CPNE3: variants seen among roughly 807,000 people sequenced by gnomAD.
CPNE3 encodes copine-3.
A neutral mutation model predicts 63.9 loss-of-function variants in CPNE3; 68 were observed. That is an observed-to-expected ratio of 1.06 (90% confidence interval 0.87 to 1.30). CPNE3 has a LOEUF of 1.30. CPNE3 is among the 50% of genes most tolerant of loss of function. The pLI is 0.00. For missense variants in CPNE3, 665 were observed against 578.1 expected (o/e 1.15, Z -1.54); for synonymous variants, 219 against 197.5 (o/e 1.11, Z -0.91).
chr8:86,541,472 G>A lies in CPNE3; in HGVS notation c.633+1138G>A, dbSNP rs188899850. On this transcript the variant is annotated intron_variant, in intron 8 of 16. Coordinates refer to ENST00000517490, the MANE Select transcript of CPNE3 (RefSeq NM_003909.5). The stretch of plus-strand genomic sequence containing the variant: ...TAATCCCAGCACTTTGGGAGGCCGA[G>A]GCGGGCAAATTGCCTGAGCTCAGGA... Among the ~76,000 whole-genome samples the A allele has an allele frequency of 1.5e-3, 235 of 152,230 alleles. 2 individuals are homozygous for A. The highest frequency in any genetic ancestry group is 2.9e-3 in the Non-Finnish European group (196 of 67,998).
chr8:86,537,650 A>G lies in CPNE3; in HGVS notation c.543+4A>G. On this transcript the variant is annotated splice_donor_region_variant and intron_variant, in intron 7 of 16. Coordinates refer to ENST00000517490, the MANE Select transcript of CPNE3 (RefSeq NM_003909.5). Reference sequence around the variant, plus strand: ...GCTAATGGTTCATCGGACAGAGGTGAATATTTGAATTTGAAAAGCAGAGTG... The same window carrying G: ...GCTAATGGTTCATCGGACAGAGGTGGATATTTGAATTTGAAAAGCAGAGTG... The G allele has an allele frequency of 6.4e-7, 1 of 1,560,888 alleles. No individual in the cohort carries two copies. The highest frequency in any genetic ancestry group is 8.8e-7 in the Non-Finnish European group (1 of 1,131,532).
chr8:86,555,122 A>G, intron 15 of CPNE3, 138 bp downstream of exon 15: 1 of 1,271,136 alleles, frequency 7.9e-7, no homozygotes, highest in Admixed American at 2.8e-5. Flanking sequence ...GTTTGGGAGT[A>G]ACTTTTGTTG....
intron 8 of CPNE3, among the ~76,000 whole-genome samples, chr8:86,540,705 C>A (rs1490027066): frequency 6.6e-6 from 1 of 152,130 alleles, no homozygotes; most frequent in African/African-American, 2.4e-5. Flanking sequence ...CAGATAGAAG[C>A]AGATGTTACC....
At chr8:86,551,852 T>G (rs921103302) in intron 14 of CPNE3, among the ~76,000 whole-genome samples, 5 of 152,234 alleles carry the variant, frequency 3.3e-5, no homozygotes, top group Non-Finnish European at 7.3e-5. Context: ...AGAGACAAGG[T>G]CTCGCTATGT....
At chr8:86,536,761 T>C (rs9297923) in intron 6 of CPNE3, among the ~76,000 whole-genome samples, 111,730 of 152,092 alleles carry the variant, frequency 0.73, 41,979 homozygotes, top group African/African-American at 0.83. Flanking sequence ...TACATGAAAA[T>C]GAGAAAAAAT....
chr8:86,535,143 T>A (rs1446395471), intron 6 of CPNE3, among the ~76,000 whole-genome samples: 1 of 152,128 alleles, frequency 6.6e-6, no homozygotes, highest in Non-Finnish European at 1.5e-5. Context: ...TAATAAGCCA[T>A]GTCCCAAGCT....
At chr8:86,555,740 T>C (rs980491158) in intron 15 of CPNE3, among the ~76,000 whole-genome samples, 25 of 152,246 alleles carry the variant, frequency 1.6e-4, no homozygotes, top group Non-Finnish European at 1.5e-5. Context: ...TGTATTTATT[T>C]GATCTTCTGA....
Position 86,532,497 on chromosome 8 carries a change from A to G in CPNE3, c.388-12A>G, listed in dbSNP as rs1430743496. 6.2e-7 allele frequency: 1 copy of G among 1,603,880 alleles called. No homozygotes were observed. The highest frequency in any genetic ancestry group is 2.2e-5 in the East Asian group (1 of 44,606). On this transcript the variant is annotated splice_polypyrimidine_tract_variant and intron_variant, in intron 5 of 16. Coordinates refer to ENST00000517490, the MANE Select transcript of CPNE3 (RefSeq NM_003909.5). The stretch of plus-strand genomic sequence containing the variant: ...AAACATATTTTCTTTCACTTACCTG[A>G]TCTACTCATAGATTTCAGCTGAAGA...
At chr8:86,545,284 T>C (rs1821024149) in intron 9 of CPNE3, 1 of 152,658 alleles carries the variant, frequency 6.6e-6, no homozygotes, top group Non-Finnish European at 1.5e-5. Context: ...CAGCAACCAA[T>C]GCAGGGCAGT....
chr8:86,540,221 C>T, intron 7 of CPNE3, 24 bp from the exon 8 acceptor site: 1 of 1,492,854 alleles, frequency 6.7e-7, no homozygotes, highest in South Asian at 1.1e-5. Context: ...TTTCTAACAG[C>T]TTTTTGAAAC....
chr8:86,552,047 C>T (rs1430885119), intron 14 of CPNE3, among the ~76,000 whole-genome samples: 1 of 152,158 alleles, frequency 6.6e-6, no homozygotes, highest in African/African-American at 2.4e-5. Context: ...GCCAGAAATG[C>T]CAGCTCTTCC....
At position 86,558,546 on chromosome 8, in the gene CPNE3, T is replaced by C; in HGVS notation, c.*136T>C. The C allele has an allele frequency of 1.4e-6, 1 of 692,504 alleles. No individual in the cohort carries two copies. The highest frequency in any genetic ancestry group is 1.9e-5 in the South Asian group (1 of 54,046). The allele number at this position is 692,504 out of a possible 1,614,324, so 42.9% of individuals were successfully genotyped here. Reference sequence around the variant, plus strand: ...TCTTTCTCTATGGATTATATCTGTTTAAAGCATTCTTTCTAGGTTATTTTG... The same window carrying C: ...TCTTTCTCTATGGATTATATCTGTTCAAAGCATTCTTTCTAGGTTATTTTG... On this transcript the variant is annotated 3_prime_UTR_variant, in exon 17 of 17. Coordinates refer to ENST00000517490, the MANE Select transcript of CPNE3 (RefSeq NM_003909.5).
chr8:86,516,504 G>A (rs149607920), intron 2 of CPNE3, among the ~76,000 whole-genome samples: 82 of 151,962 alleles, frequency 5.4e-4, no homozygotes, highest in African/African-American at 1.8e-3. Context: ...CATCTGTTTC[G>A]GTACCTAGTT....
Position 86,528,924 on chromosome 8 carries a change from T to C in CPNE3, c.133-21T>C. ...CACCTTTGATCTGAAGAAACTTTTTTGTTTTTGCGGATGGGTGTAGGTTGA... is the reference window on the plus strand; with the variant it reads ...CACCTTTGATCTGAAGAAACTTTTTCGTTTTTGCGGATGGGTGTAGGTTGA... On this transcript the variant is annotated intron_variant, in intron 3 of 16. Coordinates refer to ENST00000517490, the MANE Select transcript of CPNE3 (RefSeq NM_003909.5). 3.1e-6 allele frequency: 5 copies of C among 1,588,778 alleles called. No homozygotes were observed. The East Asian group carries it at 1.1e-4, about 36-fold the overall frequency.
chr8:86,538,666 T>G (rs970563623), intron 7 of CPNE3, among the ~76,000 whole-genome samples: 2 of 152,264 alleles, frequency 1.3e-5, no homozygotes, highest in South Asian at 2.1e-4. Flanking sequence ...CTCTTGAAAA[T>G]CAAGACCAGA....
At position 86,559,595 on chromosome 8, in the gene CPNE3, A is replaced by G. The variant is rs1397582916; in HGVS notation, c.*1185A>G. 6.6e-6 allele frequency: 1 copy of G among 151,950 alleles called. No individual in the cohort carries two copies. The highest frequency in any genetic ancestry group is 1.5e-5 in the Non-Finnish European group (1 of 68,002). 9.4% of individuals were successfully genotyped at this position (151,950 alleles called of 1,614,324 possible). A position where few individuals can be genotyped will look rare whatever the true frequency, so the allele number is the denominator to read the frequency against. On this transcript the variant is annotated 3_prime_UTR_variant, in exon 17 of 17. Coordinates refer to ENST00000517490, the MANE Select transcript of CPNE3 (RefSeq NM_003909.5). ...TTAGAAAAAGGAAAGAAAAAAGAAA[A>G]CTTTTCCAACTGCTGCATTAAGATA... is the stretch of plus-strand genomic sequence containing the variant.
At chr8:86,542,606 A>T (rs1387310943) in intron 8 of CPNE3, among the ~76,000 whole-genome samples, 1 of 151,770 alleles carries the variant, frequency 6.6e-6, no homozygotes, top group Non-Finnish European at 1.5e-5. Context: ...TATATATTAT[A>T]TACTTGCATA....
intron 6 of CPNE3, among the ~76,000 whole-genome samples, chr8:86,535,680 A>T (rs9650128): frequency 0.24 from 36,179 of 152,014 alleles, 4,479 homozygotes; most frequent in Non-Finnish European, 0.27. Context: ...AATTAAAAAA[A>T]ATATAGAATT....
chr8:86,547,577 G>A, intron 10 of CPNE3, 134 bp from the exon 11 acceptor site: 1 of 619,616 alleles, frequency 1.6e-6, no homozygotes, highest in Non-Finnish European at 2.9e-6. Context: ...TCTTAAACCT[G>A]AATGCAGGGG....
Sources: gnomAD v4.1 joint callset for allele counts (sites outside exome capture counted in the v4.1 genomes callset) on GRCh38, gnomAD v4.1.1 for gene constraint, MANE v1.5 for transcripts, NCBI Gene and HGNC (gene_info 2026-07-23, HGNC 2026-07-21) for gene names.